DRICH1: variants seen among roughly 807,000 people sequenced by gnomAD.
DRICH1 encodes aspartate-rich protein 1.
DRICH1 carries 38 observed loss-of-function variants against 39.5 expected under a neutral mutation model. The observed-to-expected ratio is 0.96, with a 90% CI of 0.74 to 1.26. The LOEUF is 1.26. Ranked by LOEUF, DRICH1 falls within the 50% of genes most tolerant of loss-of-function variation. The pLI, the probability that DRICH1 is intolerant of heterozygous loss-of-function variation, is 0.00. For synonymous variants in DRICH1, 84 were observed against 99.5 expected (o/e 0.84, Z 0.93); for missense variants, 279 against 270.4 (o/e 1.03, Z -0.22).
the DRICH1 span, among the ~76,000 whole-genome samples, chr22:23,582,684 GC>G: frequency 1.3e-4 from 19 of 151,984 alleles, no homozygotes; most frequent in Non-Finnish European, 2.4e-4. Context: ...TCCTGCTTCA[GC>G]CTCCCAGGCA....
At chr22:23,603,514 C>T (rs1926577722), downstream of DRICH1, among the ~76,000 whole-genome samples, 8 of 149,448 alleles carry the variant, frequency 5.4e-5, no homozygotes, top group South Asian at 1.8e-3. Flanking sequence ...CCTCCAGAGA[C>T]TCCTCCTGGA....
the DRICH1 span, among the ~76,000 whole-genome samples, chr22:23,586,254 C>CA: frequency 3.3e-5 from 5 of 152,170 alleles, no homozygotes; most frequent in Admixed American, 2.0e-4. Context: ...TTTGGGAGGC[C>CA]AAGGCAGAAG....
chr22:23,614,236 A>T (rs1927215774), intron 8 of DRICH1, 22 bp from the exon 9 acceptor site: 1 of 1,578,644 alleles, frequency 6.3e-7, no homozygotes, highest in African/African-American at 1.3e-5. Context: ...CAGAGGAAAG[A>T]TCAGTGCACC....
At chr22:23,587,723 GGC>G in the DRICH1 span, among the ~76,000 whole-genome samples, 2 of 152,182 alleles carry the variant, frequency 1.3e-5, no homozygotes, top group African/African-American at 4.8e-5. Flanking sequence ...CTAATGTCAG[GGC>G]TCACAGAAAC....
intron 11 of DRICH1, among the ~76,000 whole-genome samples, chr22:23,611,798 T>C (rs909908031): frequency 3.3e-5 from 5 of 152,216 alleles, no homozygotes; most frequent in African/African-American, 7.2e-5. Flanking sequence ...CGCAGTGCAT[T>C]ACTTACGTGT....
At chr22:23,614,915 C>T (rs896107422) in intron 8 of DRICH1, among the ~76,000 whole-genome samples, 2 of 152,284 alleles carry the variant, frequency 1.3e-5, no homozygotes, top group East Asian at 3.9e-4. Context: ...ACCAGTGAAG[C>T]TGAGAGACGT....
chr22:23,620,148 G>C (rs191453576), intron 5 of DRICH1, among the ~76,000 whole-genome samples: 2 of 152,080 alleles, frequency 1.3e-5, no homozygotes, highest in Non-Finnish European at 2.9e-5. Flanking sequence ...ACTCTGAAAA[G>C]AACTCGGCTT....
intron 6 of DRICH1, among the ~76,000 whole-genome samples, chr22:23,618,492 C>T (rs1315046451): frequency 2.6e-5 from 4 of 152,054 alleles, no homozygotes; most frequent in African/African-American, 7.2e-5. Flanking sequence ...GTCATGATTT[C>T]CTCTTTGTAA....
chr22:23,593,030 C>CA, the DRICH1 span, among the ~76,000 whole-genome samples: 19 of 140,108 alleles, frequency 1.4e-4, no homozygotes, highest in African/African-American at 2.9e-4. Context: ...GGCTTCACCT[C>CA]AAAAAAAAGA....
At chr22:23,591,694 G>A in the DRICH1 span, among the ~76,000 whole-genome samples, 1 of 152,156 alleles carries the variant, frequency 6.6e-6, no homozygotes, top group Admixed American at 6.5e-5. Flanking sequence ...GGAGCACATG[G>A]GCTCAGGGAA....
chr22:23,622,214 A>T (rs769408971), intron 3 of DRICH1, 38 bp from the exon 4 acceptor site: 35 of 1,590,136 alleles, frequency 2.2e-5, no homozygotes, highest in Middle Eastern at 1.7e-4. Context: ...GCCCTGGTTG[A>T]TTGTGACTGT....
At chr22:23,592,986 C>T in the DRICH1 span, among the ~76,000 whole-genome samples, 8 of 150,838 alleles carry the variant, frequency 5.3e-5, no homozygotes, top group Non-Finnish European at 1.0e-4. Flanking sequence ...GAGCCATGAT[C>T]GTGTCACTGC....
chr22:23,618,122 T>C (rs1327434684), intron 6 of DRICH1, among the ~76,000 whole-genome samples: 1 of 150,550 alleles, frequency 6.6e-6, no homozygotes, highest in Non-Finnish European at 1.5e-5. Flanking sequence ...TCTTTTTTTT[T>C]TTTTTTTTTG....
Position 23,614,128 on chromosome 22 carries a change from G to T in DRICH1, c.621+7C>A, listed in dbSNP as rs758440426. On this transcript the variant is annotated splice_region_variant and intron_variant, in intron 9 of 11. Coordinates refer to ENST00000317749, the MANE Select transcript of DRICH1 (RefSeq NM_016449.4). ...TGCTGTAGAAGACAAAAAAAGGGAG[G>T]TCTTACGTGGATGTCATCATCATCT... is the stretch of plus-strand genomic sequence containing the variant. The T allele has an allele frequency of 1.3e-6, 2 of 1,596,368 alleles. No homozygotes were observed. Among genetic ancestry groups the T allele is most frequent in the African/African-American group, 1.3e-5 (1 of 74,514 alleles).
intron 11 of DRICH1, among the ~76,000 whole-genome samples, chr22:23,612,468 AAAAAAAAAAAAAAG>A (rs1927093237): frequency 1.4e-5 from 2 of 143,610 alleles, no homozygotes; most frequent in South Asian, 4.3e-4. Flanking sequence ...CTCCATCTCA[AAAAAAAAAAAAAAG>A]AAAAAAAAAA....
chr22:23,608,607 G>T lies in DRICH1; in HGVS notation c.*157C>A, dbSNP rs544571070. ...AGGCCAAACCTAGTGCTGGCGGTGG[G>T]TGGGAAGCAGCCTTGGACTTTTTCT... is the stretch of plus-strand genomic sequence containing the variant. On this transcript the variant is annotated 3_prime_UTR_variant, in exon 12 of 12. Transcript: ENST00000317749. 5 of 736,774 alleles carry T rather than the reference G, an allele frequency of 6.8e-6. No individual in the cohort carries two copies. In the African/African-American group the frequency reaches 8.7e-5, roughly 13 times the overall value. The allele number at this position is 736,774 out of a possible 1,614,324, so 45.6% of individuals were successfully genotyped here.
downstream of DRICH1, chr22:23,607,322 G>A (rs922805978): frequency 1.3e-5 from 2 of 152,330 alleles, no homozygotes; most frequent in Non-Finnish European, 2.9e-5. Flanking sequence ...TGCCTTCACA[G>A]GTGAGGAAAC....
Position 23,608,588 on chromosome 22 carries a change from A to G in DRICH1, c.*176T>C. ...ACTGGGTCCTGGATGGTACAGGCCA[A>G]ACCTAGTGCTGGCGGTGGGTGGGAA... On this transcript the variant is annotated 3_prime_UTR_variant, in exon 12 of 12. Coordinates refer to ENST00000317749, the MANE Select transcript of DRICH1 (RefSeq NM_016449.4). 2 of 665,988 alleles carry G rather than the reference A, an allele frequency of 3.0e-6. No homozygotes were observed. The highest frequency in any genetic ancestry group is 5.3e-6 in the Non-Finnish European group (2 of 375,100). 41.3% of individuals were successfully genotyped at this position (665,988 alleles called of 1,614,324 possible).
downstream of DRICH1, among the ~76,000 whole-genome samples, chr22:23,604,860 A>G (rs1926647557): frequency 6.6e-6 from 1 of 152,192 alleles, no homozygotes; most frequent in South Asian, 2.1e-4. Flanking sequence ...CTAAGCTGAC[A>G]CTATCTTTAT....
Sources: gnomAD v4.1 joint callset for allele counts (sites outside exome capture counted in the v4.1 genomes callset) on GRCh38, gnomAD v4.1.1 for gene constraint, MANE v1.5 for transcripts, NCBI Gene and HGNC (gene_info 2026-07-23, HGNC 2026-07-21) for gene names.